Variants in DLG2 observed in about 807,000 individuals in gnomAD.
The protein encoded by DLG2 is disks large homolog 2.
Under a neutral mutation model 132.5 loss-of-function variants are expected in DLG2, and 45 were observed. The ratio of observed to expected loss-of-function variants is 0.34; its 90% CI spans 0.27 to 0.44. The LOEUF is 0.44. Among genes scored for constraint, DLG2 ranks in the 20% least tolerant of loss-of-function variants. The pLI is 1.00. For synonymous variants in DLG2, 424 were observed against 419.6 expected (o/e 1.01, Z -0.13); for missense variants, 1,045 against 1,196.9 (o/e 0.87, Z 1.87).
chr11:84,137,524 G>C (rs192183934), intron 9 of DLG2, among the ~76,000 whole-genome samples: 139 of 152,148 alleles, frequency 9.1e-4, no homozygotes, highest in African/African-American at 3.2e-3. Context: ...ATATTTCATA[G>C]CTCAAACAAA....
chr11:84,697,620 C>T (rs2153734706), intron 6 of DLG2, among the ~76,000 whole-genome samples: 1 of 151,582 alleles, frequency 6.6e-6, no homozygotes, highest in African/African-American at 2.4e-5. Context: ...TGTATTATCT[C>T]ACTTAATTAT....
intron 7 of DLG2, among the ~76,000 whole-genome samples, chr11:84,430,238 C>T (rs1164093476): frequency 2.6e-5 from 4 of 151,964 alleles, no homozygotes; most frequent in East Asian, 3.9e-4. Flanking sequence ...GAGATCGAGA[C>T]CATCCTGGCC....
chr11:85,423,253 T>C (rs2090458746), intron 3 of DLG2, among the ~76,000 whole-genome samples: 1 of 152,190 alleles, frequency 6.6e-6, no homozygotes, highest in Admixed American at 6.5e-5. Flanking sequence ...GTACTGAGGC[T>C]TGTCTGCACA....
chr11:84,966,538 G>C (rs753222224), intron 6 of DLG2, among the ~76,000 whole-genome samples: 2 of 152,092 alleles, frequency 1.3e-5, no homozygotes, highest in African/African-American at 2.4e-5. Context: ...GAATCTACTG[G>C]TGGCAAGAAG....
At chr11:84,816,298 T>C (rs1442069995) in intron 6 of DLG2, among the ~76,000 whole-genome samples, 1 of 151,998 alleles carries the variant, frequency 6.6e-6, no homozygotes, top group Non-Finnish European at 1.5e-5. Context: ...ATTATTCCTG[T>C]CTCCATTCAT....
intron 19 of DLG2, among the ~76,000 whole-genome samples, chr11:83,622,218 A>G (rs1183538055): frequency 1.3e-5 from 2 of 152,146 alleles, no homozygotes; most frequent in Non-Finnish European, 2.9e-5. Context: ...GTGAGCCACC[A>G]TGCCCGGCTT....
chr11:84,846,014 G>A (rs112634736), intron 6 of DLG2, among the ~76,000 whole-genome samples: 20 of 151,958 alleles, frequency 1.3e-4, no homozygotes, highest in African/African-American at 4.6e-4. Context: ...AGGTCTTCTC[G>A]TCTTCTTTGC....
At chr11:84,245,303 A>C (rs528638369) in intron 8 of DLG2, among the ~76,000 whole-genome samples, 1 of 152,222 alleles carries the variant, frequency 6.6e-6, no homozygotes, top group East Asian at 1.9e-4. Flanking sequence ...GTTTGCATCC[A>C]ATGGCCTTTT....
chr11:84,000,789 A>G (rs1276131899), intron 11 of DLG2, among the ~76,000 whole-genome samples: 1 of 152,182 alleles, frequency 6.6e-6, no homozygotes, highest in Non-Finnish European at 1.5e-5. Context: ...GAAAAAATAA[A>G]GTCTTTTACA....
rs977033744 is a variant in DLG2, at chr11:84,119,733, T to C, written c.625-20686A>G. On this transcript the variant is annotated intron_variant, in intron 9 of 27. Transcript: ENST00000376104. ...ACCTCTAAGAATTTCACTTCTTAAA[T>C]AGATATTTAGAAAGAGTATACGAAT... 3.3e-5 allele frequency among the ~76,000 whole-genome samples: 5 copies of C among 152,282 alleles called. No individual in the cohort carries two copies. In the South Asian group the frequency reaches 1.0e-3, roughly 32 times the overall value.
chr11:83,605,963 T>C (rs935250799), intron 19 of DLG2, among the ~76,000 whole-genome samples: 1 of 152,240 alleles, frequency 6.6e-6, no homozygotes, highest in Admixed American at 6.5e-5. Flanking sequence ...TATCTGTGAC[T>C]TGAGATACTA....
At chr11:85,272,974 G>A (rs2077637642) in intron 4 of DLG2, among the ~76,000 whole-genome samples, 1 of 152,098 alleles carries the variant, frequency 6.6e-6, no homozygotes, top group Admixed American at 6.5e-5. Context: ...TCTGATCTTT[G>A]ACAAACCTGA....
At chr11:83,716,575 G>A (rs978436266) in intron 18 of DLG2, among the ~76,000 whole-genome samples, 1 of 152,134 alleles carries the variant, frequency 6.6e-6, no homozygotes, top group African/African-American at 2.4e-5. Flanking sequence ...CTCTCCAAAT[G>A]CTCTTCAAAA....
At chr11:84,360,635 G>T (rs1460687981) in intron 7 of DLG2, among the ~76,000 whole-genome samples, 2 of 151,908 alleles carry the variant, frequency 1.3e-5, no homozygotes. Context: ...ACTGAAGACA[G>T]AAATTGTTTT....
intron 6 of DLG2, among the ~76,000 whole-genome samples, chr11:84,801,980 A>G (rs1219945219): frequency 6.6e-6 from 1 of 152,144 alleles, no homozygotes; most frequent in Non-Finnish European, 1.5e-5. Context: ...AAAACTGACC[A>G]GTTTAAAAAT....
intron 6 of DLG2, among the ~76,000 whole-genome samples, chr11:84,753,276 G>C (rs1186558800): frequency 6.6e-6 from 1 of 152,120 alleles, no homozygotes; most frequent in East Asian, 1.9e-4. Context: ...CTGGCCGTTG[G>C]ATAAAGATGT....
At chr11:84,604,909 T>G (rs2099582695) in intron 6 of DLG2, among the ~76,000 whole-genome samples, 1 of 151,974 alleles carries the variant, frequency 6.6e-6, no homozygotes, top group South Asian at 2.1e-4. Flanking sequence ...TTTAAAAAAT[T>G]TCTACTCCCA....
At chr11:83,585,398 T>C (rs2097066023) in intron 19 of DLG2, among the ~76,000 whole-genome samples, 2 of 152,164 alleles carry the variant, frequency 1.3e-5, no homozygotes, top group Admixed American at 1.3e-4. Context: ...AGAGATAGCT[T>C]GTGTAGCTTC....
intron 7 of DLG2, among the ~76,000 whole-genome samples, chr11:84,487,324 G>A (rs1313770396): frequency 1.3e-5 from 2 of 152,108 alleles, no homozygotes; most frequent in Non-Finnish European, 2.9e-5. Context: ...TTAACACAGT[G>A]CCTAGCTTAA....
Sources: gnomAD v4.1 joint callset for allele counts (sites outside exome capture counted in the v4.1 genomes callset) on GRCh38, gnomAD v4.1.1 for gene constraint, MANE v1.5 for transcripts, NCBI Gene and HGNC (gene_info 2026-07-23, HGNC 2026-07-21) for gene names.